UBR3: variants seen among roughly 807,000 people sequenced by gnomAD.
UBR3 encodes ubiquitin protein ligase E3 component n-recognin 3, also known as E3 ubiquitin-protein ligase UBR3.
Under a neutral mutation model 243.2 loss-of-function variants are expected in UBR3, and 85 were observed. The observed-to-expected ratio is 0.35, with a 90% CI of 0.29 to 0.42. The LOEUF is 0.42. Among genes scored for constraint, UBR3 ranks in the 10% least tolerant of loss-of-function variants. The probability of loss-of-function intolerance (pLI) is 1.00; values close to 1 mark genes in which losing one functional copy is unlikely to be tolerated. For missense variants in UBR3, 1,686 were observed against 2,300.8 expected (o/e 0.73, Z 5.47); for synonymous variants, 748 against 799.8 (o/e 0.94, Z 1.09).
In UBR3 at chr2:170,081,264, C is replaced by T. The variant is rs377250477; in HGVS notation, c.5550-462C>T. 2.0e-3 allele frequency among the ~76,000 whole-genome samples: 305 copies of T among 152,000 alleles called. 1 individual carries two copies. Among genetic ancestry groups the T allele is most frequent in the Admixed American group, 3.7e-3 (56 of 15,256 alleles). On this transcript the variant is annotated intron_variant, in intron 38 of 38. Transcript: ENST00000272793. The stretch of plus-strand genomic sequence containing the variant: ...CTGTAATCCCAGCACTTTGGGAGGC[C>T]GAGGTGGGTGGATCACTTGAGGTCA...
Position 169,852,873 on chromosome 2 carries a change from A to AAC in UBR3, c.546-19362_546-19361insCA, listed in dbSNP as rs1193041878. 5.9e-4 allele frequency among the ~76,000 whole-genome samples: 84 copies of AAC among 143,322 alleles called. 2 individuals are homozygous for AAC. Among genetic ancestry groups the AAC allele is most frequent in the African/African-American group, 1.8e-3 (74 of 40,030 alleles). The allele number at this position is 143,322 out of a possible 152,430, so 94.0% of individuals were successfully genotyped here. A position where few individuals can be genotyped will look rare whatever the true frequency, so the allele number is the denominator to read the frequency against. ...CTCAAAAAAAAAAAAAAAAAAAAAAAAAAAACAAAACCAAACAAATTGAGT... is the reference window on the plus strand; with the variant it reads ...CTCAAAAAAAAAAAAAAAAAAAAAAAACAAAAACAAAACCAAACAAATTGAGT... On this transcript the variant is annotated intron_variant, in intron 1 of 38. Transcript: ENST00000272793.
chr2:169,934,459 C>T lies in UBR3; in HGVS notation c.2663+1451C>T, dbSNP rs151191039. ...ATTTTAAATGGGAAATTTTATTTAA[C>T]AGTACATATTTATTGAATGCTCTGC... On this transcript the variant is annotated intron_variant, in intron 19 of 38. Coordinates refer to ENST00000272793, the MANE Select transcript of UBR3 (RefSeq NM_172070.4). Among the ~76,000 whole-genome samples, 1,098 of 152,216 alleles carry T rather than the reference C, an allele frequency of 7.2e-3. 3 individuals carry two copies. Among genetic ancestry groups the T allele is most frequent in the South Asian group, 0.03 (144 of 4,822 alleles).
intron 1 of UBR3, 103 bp downstream of exon 1, chr2:169,828,155 G>T: frequency 7.8e-7 from 1 of 1,281,084 alleles, no homozygotes; most frequent in Non-Finnish European, 9.9e-7. Flanking sequence ...GTCAAGGGGA[G>T]GGTGCGGGGG....
At chr2:169,944,117 T>G (rs952938506) in intron 20 of UBR3, among the ~76,000 whole-genome samples, 1 of 152,230 alleles carries the variant, frequency 6.6e-6, no homozygotes, top group East Asian at 1.9e-4. Context: ...AAAAGATATT[T>G]GTATTTGTTT....
chr2:169,856,290 ACG>A (rs1391388539), intron 1 of UBR3, among the ~76,000 whole-genome samples: 5 of 147,104 alleles, frequency 3.4e-5, no homozygotes, highest in Non-Finnish European at 3.0e-5. Context: ...CCGGGCAGAG[ACG>A]CTCCTCACTT....
intron 1 of UBR3, among the ~76,000 whole-genome samples, chr2:169,850,086 A>G (rs1193081807): frequency 6.8e-6 from 1 of 147,990 alleles, no homozygotes; most frequent in Admixed American, 6.8e-5. Flanking sequence ...AGTAGGAGAG[A>G]GTTTCACAGT....
chr2:169,864,376 T>A (rs2083184288), intron 1 of UBR3, among the ~76,000 whole-genome samples: 1 of 152,206 alleles, frequency 6.6e-6, no homozygotes. Flanking sequence ...TCCCAGGACC[T>A]ATGTGCCAGG....
intron 35 of UBR3, among the ~76,000 whole-genome samples, chr2:170,067,836 C>T (rs1206512041): frequency 6.8e-6 from 1 of 146,524 alleles, no homozygotes; most frequent in African/African-American, 2.5e-5. Context: ...GTGGTGTGAT[C>T]TCAGCTGACT....
chr2:169,882,488 C>T (rs1170625488), intron 5 of UBR3, among the ~76,000 whole-genome samples: 1 of 150,194 alleles, frequency 6.7e-6, no homozygotes, highest in Non-Finnish European at 1.5e-5. Flanking sequence ...TAACTGTAAT[C>T]CCAGCATTTT....
Position 169,827,979 on chromosome 2 carries a change from G to T in UBR3, c.472G>T (p.Asp158Tyr). 1 of 1,452,268 alleles carries T rather than the reference G, an allele frequency of 6.9e-7. No individual in the cohort carries two copies. Among genetic ancestry groups the T allele is most frequent in the South Asian group, 1.3e-5 (1 of 76,166 alleles). 90.0% of individuals were successfully genotyped at this position (1,452,268 alleles called of 1,614,324 possible). The change falls in exon 1 of 39, where the codon GAC (aspartate) becomes TAC (tyrosine). Residue 158 changes from aspartate (D) to tyrosine (Y), a missense_variant. Around this residue, in one of 8 missense-constraint regions of UBR3, gnomAD observed 145 missense variants for 243.8 expected, o/e 0.59. Transcript: ENST00000272793. ...CCACCAGGGCGACCACACCGGACAC[G>T]ACTTCAACATGTTCCGCAGCCAGGC... ...CFHQGDHTGH[D>Y]FNMFRSQAGG...
chr2:169,949,020 AAC>A (rs2086900698), intron 22 of UBR3, among the ~76,000 whole-genome samples: 1 of 151,994 alleles, frequency 6.6e-6, no homozygotes, highest in South Asian at 2.1e-4. Context: ...AATTTAATAA[AAC>A]AAATTAAATT....
intron 29 of UBR3, among the ~76,000 whole-genome samples, chr2:170,013,260 A>T (rs1574396462): frequency 6.6e-6 from 1 of 152,052 alleles, no homozygotes; most frequent in Non-Finnish European, 1.5e-5. Flanking sequence ...ACCAATTTTG[A>T]CATATATGAA....
chr2:169,906,075 G>T lies in UBR3; in HGVS notation c.1690G>T (p.Glu564Ter). ...KRELNEHVEF[E>*]SQTYYAAFAA... The stretch of plus-strand genomic sequence containing the variant: ...AGAACTAAACGAGCATGTGGAATTT[G>T]AGTCTCAGACCTACTATGCTGCCTT... Residue 564 changes from glutamate (E) to a stop codon, truncating the protein, a stop_gained, in exon 10 of 39, where the codon GAG becomes TAG. Coordinates refer to ENST00000272793, the MANE Select transcript of UBR3 (RefSeq NM_172070.4). LOFTEE classifies it high-confidence loss of function. The T allele has an allele frequency of 6.4e-7, 1 of 1,551,574 alleles. No individual in the cohort carries two copies. The highest frequency in any genetic ancestry group is 8.7e-7 in the Non-Finnish European group (1 of 1,146,926).
At chr2:169,856,894 A>G (rs996402029) in intron 1 of UBR3, among the ~76,000 whole-genome samples, 3 of 152,032 alleles carry the variant, frequency 2.0e-5, no homozygotes, top group African/African-American at 7.2e-5. Flanking sequence ...ATAGTATGTC[A>G]TCAAACTTTT....
chr2:169,946,220 T>C (rs535118712), intron 20 of UBR3, 68 bp from the exon 21 acceptor site: 8 of 892,538 alleles, frequency 9.0e-6, no homozygotes, highest in Admixed American at 3.3e-5. Flanking sequence ...AAAATATTTT[T>C]GGATCTCTAA....
intron 2 of UBR3, among the ~76,000 whole-genome samples, chr2:169,874,896 C>G (rs867614145): frequency 6.6e-6 from 1 of 152,040 alleles, no homozygotes; most frequent in Non-Finnish European, 1.5e-5. Flanking sequence ...TATGGTTAAG[C>G]TATACATCTC....
intron 25 of UBR3, among the ~76,000 whole-genome samples, chr2:169,992,081 T>G (rs2089298392): frequency 1.3e-5 from 2 of 152,148 alleles, no homozygotes; most frequent in Admixed American, 1.3e-4. Context: ...AATTATTGAC[T>G]TTACTACAGA....
intron 18 of UBR3, among the ~76,000 whole-genome samples, chr2:169,931,350 T>TA (rs66951181): frequency 0.049 from 4,255 of 87,538 alleles, 123 homozygotes; most frequent in Non-Finnish European, 0.06. Context: ...GAATCTGTCT[T>TA]AAAAAAAAAA....
chr2:170,062,563 A>G (rs987476687), intron 35 of UBR3, among the ~76,000 whole-genome samples: 1 of 152,166 alleles, frequency 6.6e-6, no homozygotes, highest in African/African-American at 2.4e-5. Context: ...ATTTTCTTTC[A>G]CAGTTTTTAA....
Sources: allele counts gnomAD v4.1 joint callset (sites outside exome capture counted in the v4.1 genomes callset), GRCh38; gene constraint gnomAD v4.1.1; regional missense constraint gnomAD v4.1.1; transcripts MANE v1.5; gene names NCBI Gene and HGNC (gene_info 2026-07-23, HGNC 2026-07-21).